Variants in EVI5L observed in about 807,000 individuals in gnomAD.
EVI5L encodes ecotropic viral integration site 5 like, also known as EVI5-like protein.
EVI5L carries 30 observed loss-of-function variants against 106.1 expected under a neutral mutation model. That is an observed-to-expected ratio of 0.28 (90% CI 0.21 to 0.38). EVI5L has a LOEUF of 0.38. Among genes scored for constraint, EVI5L ranks in the 10% least tolerant of loss-of-function variants. EVI5L has a pLI of 1.00. For missense variants in EVI5L, 809 were observed against 1,098.0 expected, an observed-to-expected ratio of 0.74 and a Z score of 3.72; for synonymous variants, 489 against 483.3, an observed-to-expected ratio of 1.01 and a Z score of -0.15.
chr19:7,851,805 C>T, intron 8 of EVI5L, 35 bp downstream of exon 8: 1 of 1,475,938 alleles, frequency 6.8e-7, no homozygotes, highest in South Asian at 1.4e-5. Context: ...TGGGGCTGCC[C>T]CCAATCAGGG....
rs576834802 is a variant in EVI5L, at chr19:7,856,952, C to G, written c.1201-140C>G. The G allele has an allele frequency of 1.4e-3, 1,206 of 839,886 alleles. No homozygotes were observed. Among genetic ancestry groups the G allele is most frequent in the Non-Finnish European group, 2.1e-3 (1,082 of 507,226 alleles). 52.0% of individuals were successfully genotyped at this position (839,886 alleles called of 1,614,324 possible). On this transcript the variant is annotated intron_variant, in intron 11 of 19. Transcript: ENST00000538904. The surrounding 1 kb of genome is among the most constrained non-coding windows in gnomAD (Gnocchi z 6.6). ...GGTCCTCTCCTGCTGGTTCTCTGGTCTTCCCTCCTCTCTCCCCCGCTTCTA... is the reference window on the plus strand; with the variant it reads ...GGTCCTCTCCTGCTGGTTCTCTGGTGTTCCCTCCTCTCTCCCCCGCTTCTA...
Position 7,863,939 on chromosome 19 carries a change from T to G in EVI5L, c.*237T>G. ...GTTTACCCATCTTGGTCTGTACCCCTCCGGGCCCTCTGGCGTTCCAGGGGT... is the reference window on the plus strand; with the variant it reads ...GTTTACCCATCTTGGTCTGTACCCCGCCGGGCCCTCTGGCGTTCCAGGGGT... On this transcript the variant is annotated 3_prime_UTR_variant, in exon 20 of 20. Transcript: ENST00000538904. This position sits in a 1 kb window ranked among gnomAD's most constrained non-coding sequence, Gnocchi z 7.7. 1 of 505,526 alleles carries G rather than the reference T, an allele frequency of 2.0e-6. No homozygotes were observed. The allele number at this position is 505,526 out of a possible 1,614,324, so 31.3% of individuals were successfully genotyped here. A position where few individuals can be genotyped will look rare whatever the true frequency, so the allele number is the denominator to read the frequency against.
chr19:7,840,980 G>C (rs1372764526), intron 1 of EVI5L, among the ~76,000 whole-genome samples: 1 of 152,182 alleles, frequency 6.6e-6, no homozygotes, highest in African/African-American at 2.4e-5. Context: ...GCCAGGTGGC[G>C]TGGTGACAGT....
At chr19:7,842,786 A>G (rs374536956) in intron 1 of EVI5L, among the ~76,000 whole-genome samples, 2 of 150,606 alleles carry the variant, frequency 1.3e-5, no homozygotes, top group African/African-American at 4.9e-5. Flanking sequence ...GCGTGCACAA[A>G]TATGCATAAG....
intron 17 of EVI5L, 22 bp from the exon 18 acceptor site, chr19:7,862,950 C>G: frequency 8.9e-7 from 1 of 1,128,950 alleles, no homozygotes; most frequent in Non-Finnish European, 1.3e-6. Context: ...GCCCTCCTTT[C>G]CCCCCAATCC....
chr19:7,856,761 C>G lies in EVI5L; in HGVS notation c.1201-331C>G, dbSNP rs1979546643. 6.6e-6 allele frequency among the ~76,000 whole-genome samples: 1 copy of G among 152,164 alleles called. No homozygotes were observed. The highest frequency in any genetic ancestry group is 2.1e-4 in the South Asian group (1 of 4,830). ...CGCACGAAGCCAAAAGTCCCCCTGCCCCCCACAGTTTTTCCAGCCAGCAGC... is the reference window on the plus strand; with the variant it reads ...CGCACGAAGCCAAAAGTCCCCCTGCGCCCCACAGTTTTTCCAGCCAGCAGC... On this transcript the variant is annotated intron_variant, in intron 11 of 19. Coordinates refer to ENST00000538904, the MANE Select transcript of EVI5L (RefSeq NM_001159944.3). This position sits in a 1 kb window ranked among gnomAD's most constrained non-coding sequence, Gnocchi z 6.6.
Position 7,858,065 on chromosome 19 carries a change from G to A in EVI5L, c.1234-126G>A, listed in dbSNP as rs890390787. On this transcript the variant is annotated intron_variant, in intron 12 of 19. Coordinates refer to ENST00000538904, the MANE Select transcript of EVI5L (RefSeq NM_001159944.3). This position sits in a 1 kb window ranked among gnomAD's most constrained non-coding sequence, Gnocchi z 5.7. ...GACGCTCATCCCAGGCTCTGAGTAC[G>A]GGAGGCCCCCACCTCACTTCCCCCC... 2.6e-6 allele frequency: 3 copies of A among 1,148,750 alleles called. No homozygotes were observed. The highest frequency in any genetic ancestry group is 3.7e-6 in the Non-Finnish European group (3 of 820,646). The allele number at this position is 1,148,750 out of a possible 1,614,324, so 71.2% of individuals were successfully genotyped here.
In EVI5L at chr19:7,856,341, C is replaced by T. The variant is rs1327039612; in HGVS notation, c.1200+273C>T. Among the ~76,000 whole-genome samples the T allele has an allele frequency of 2.6e-5, 4 of 152,166 alleles. No homozygotes were observed. The highest frequency in any genetic ancestry group is 2.9e-5 in the Non-Finnish European group (2 of 67,992). On this transcript the variant is annotated intron_variant, in intron 11 of 19. Coordinates refer to ENST00000538904, the MANE Select transcript of EVI5L (RefSeq NM_001159944.3). The surrounding 1 kb of genome is among the most constrained non-coding windows in gnomAD (Gnocchi z 6.6). ...ATCCATTTGTGTTCTGTGCCCTCCC[C>T]GGCTGCACAGACGGGGAGGGGTGAG...
At position 7,862,111 on chromosome 19, in the gene EVI5L, T is replaced by C. The variant is rs1466398369; in HGVS notation, c.1645-11T>C. On this transcript the variant is annotated splice_polypyrimidine_tract_variant and intron_variant, in intron 15 of 19. Coordinates refer to ENST00000538904, the MANE Select transcript of EVI5L (RefSeq NM_001159944.3). ...GAGGCTGACCGCCGGCTTCTCGGCT[T>C]CACCCCCCAGGCCCATCTGGCCCGC... 6.4e-7 allele frequency: 1 copy of C among 1,561,244 alleles called. No homozygotes were observed. Among genetic ancestry groups the C allele is most frequent in the Non-Finnish European group, 8.6e-7 (1 of 1,157,424 alleles).
At chr19:7,860,435 A>G in intron 13 of EVI5L, 126 bp from the exon 14 acceptor site, 1 of 760,564 alleles carries the variant, frequency 1.3e-6, no homozygotes, top group Non-Finnish European at 2.0e-6. Context: ...AGCCCAGGAC[A>G]CCCCAAGCCT....
chr19:7,861,049 T>C (rs926390642), intron 14 of EVI5L, among the ~76,000 whole-genome samples: 1 of 152,102 alleles, frequency 6.6e-6, no homozygotes, highest in Non-Finnish European at 1.5e-5. Context: ...CACATTCCCA[T>C]GCAGACACCA....
In EVI5L at chr19:7,857,245, G is replaced by C; in HGVS notation, c.1233+121G>C. 1.5e-6 allele frequency: 2 copies of C among 1,361,934 alleles called. No individual in the cohort carries two copies. The highest frequency in any genetic ancestry group is 2.0e-6 in the Non-Finnish European group (2 of 977,428). The allele number at this position is 1,361,934 out of a possible 1,614,324, so 84.4% of individuals were successfully genotyped here. ...TGCGGGCAGGCCTGGCGCCATGCATGGAGCAGCTGGGGACCGCTTCTGGGG... is the reference window on the plus strand; with the variant it reads ...TGCGGGCAGGCCTGGCGCCATGCATCGAGCAGCTGGGGACCGCTTCTGGGG... On this transcript the variant is annotated intron_variant, in intron 12 of 19. Coordinates refer to ENST00000538904, the MANE Select transcript of EVI5L (RefSeq NM_001159944.3). This position sits in a 1 kb window ranked among gnomAD's most constrained non-coding sequence, Gnocchi z 4.5.
At chr19:7,839,187 C>T (rs568376653) in intron 1 of EVI5L, among the ~76,000 whole-genome samples, 2 of 151,720 alleles carry the variant, frequency 1.3e-5, no homozygotes, top group African/African-American at 2.4e-5. Context: ...CCTGTAGTCC[C>T]AGCTACTCAG....
rs554853 is a variant in EVI5L at position 7,849,136 on chromosome 19, C to T, written c.543C>T (p.Asn181=). 5,173 of 1,610,618 alleles carry T rather than the reference C, an allele frequency of 3.2e-3. 109 individuals are homozygous for T. In the African/African-American group the frequency reaches 0.056, roughly 17 times the overall value. ...GCCTGGGCCAGGAGGTCCTCTTCAA[C>T]GTCATGAAGGTGAGGCCCAGGGCTC... ...QDSLGQEVLF[N]VMKAYSLVDR... Residue 181 remains asparagine, a synonymous_variant, in exon 4 of 20, where the codon AAC becomes AAT. Transcript: ENST00000538904.
chr19:7,857,820 C>T lies in EVI5L; in HGVS notation c.1234-371C>T, dbSNP rs1979604608. ...CAGCCCTCTCCTGCCGGGGCCTCAG[C>T]TGTCCCCAGATCCTCACCCTCACCG... On this transcript the variant is annotated intron_variant, in intron 12 of 19. Coordinates refer to ENST00000538904, the MANE Select transcript of EVI5L (RefSeq NM_001159944.3). This position sits in a 1 kb window ranked among gnomAD's most constrained non-coding sequence, Gnocchi z 4.5. The T allele has an allele frequency of 8.3e-6, 2 of 240,134 alleles. No homozygotes were observed. Among genetic ancestry groups the T allele is most frequent in the South Asian group, 1.2e-4 (2 of 16,118 alleles). The allele number at this position is 240,134 out of a possible 1,614,324, so 14.9% of individuals were successfully genotyped here.
In EVI5L at chr19:7,845,276, A is replaced by G. The variant is rs1472864148; in HGVS notation, c.-47-1220A>G. Among the ~76,000 whole-genome samples, 1 of 152,042 alleles carries G rather than the reference A, an allele frequency of 6.6e-6. No homozygotes were observed. Among genetic ancestry groups the G allele is most frequent in the East Asian group, 1.9e-4 (1 of 5,172 alleles). ...ACCCTAGGTATCCCCATCTTCTCAG[A>G]CGCTGGAGGTGAGCCTGGGCTCACC... On this transcript the variant is annotated intron_variant, in intron 1 of 19. Transcript: ENST00000538904. This position sits in a 1 kb window ranked among gnomAD's most constrained non-coding sequence, Gnocchi z 4.0.
chr19:7,832,181 T>C (rs1210984410), intron 1 of EVI5L, among the ~76,000 whole-genome samples: 1 of 152,070 alleles, frequency 6.6e-6, no homozygotes, highest in Non-Finnish European at 1.5e-5. Context: ...TGGGCTTCTG[T>C]GGTCAGCGGA....
At chr19:7,842,837 ATAGG>A (rs1978702835) in intron 1 of EVI5L, among the ~76,000 whole-genome samples, 2 of 149,866 alleles carry the variant, frequency 1.3e-5, no homozygotes, top group African/African-American at 4.9e-5. Context: ...GTGAAGGTAT[ATAGG>A]TGTGTGTATC....
intron 1 of EVI5L, among the ~76,000 whole-genome samples, chr19:7,843,692 A>T (rs899628999): frequency 1.3e-5 from 2 of 151,610 alleles, no homozygotes; most frequent in African/African-American, 4.9e-5. Context: ...GTGTGTGAGA[A>T]TAGGCATGGG....
Sources: allele counts gnomAD v4.1 joint callset (sites outside exome capture counted in the v4.1 genomes callset), GRCh38; gene constraint gnomAD v4.1.1; non-coding constraint Gnocchi (gnomAD v3.1); transcripts MANE v1.5; gene names NCBI Gene and HGNC (gene_info 2026-07-23, HGNC 2026-07-21).